The following SLC28A1 variants were observed in gnomAD, a reference collection of about 807,000 sequenced individuals.
SLC28A1 encodes the protein sodium/nucleoside cotransporter 1.
Under a neutral mutation model 74.8 loss-of-function variants are expected in SLC28A1, and 64 were observed. The ratio of observed to expected loss-of-function variants is 0.86; its 90% confidence interval spans 0.70 to 1.05. SLC28A1 has a LOEUF of 1.05. Ranked by LOEUF, SLC28A1 falls within the 50% of genes least tolerant of loss-of-function variation. The pLI, the probability that SLC28A1 is intolerant of heterozygous loss-of-function variation, is 0.00. For missense variants in SLC28A1, 828 were observed against 822.8 expected (o/e 1.01, Z -0.08); for synonymous variants, 359 against 335.0 (o/e 1.07, Z -0.78).
At chr15:84,914,762 GC>G (rs945193809) in intron 9 of SLC28A1, among the ~76,000 whole-genome samples, 3 of 152,190 alleles carry the variant, frequency 2.0e-5, no homozygotes, top group Admixed American at 2.0e-4. Flanking sequence ...CATCCTGCAG[GC>G]CCCAGAGGTG....
At position 84,941,641 on chromosome 15, in the gene SLC28A1, T is replaced by C. The variant is rs192042491; in HGVS notation, c.1582-1804T>C. The stretch of plus-strand genomic sequence containing the variant: ...GCTCATGCCTGTAATTCCAACACTT[T>C]GGGAGGCCAAGGAGGGTGGGTCACT... On this transcript the variant is annotated intron_variant, in intron 15 of 18. Transcript: ENST00000394573. Among the ~76,000 whole-genome samples the C allele has an allele frequency of 9.9e-5, 15 of 152,204 alleles. No homozygotes were observed. In the East Asian group the frequency reaches 2.9e-3, roughly 29 times the overall value.
intron 12 of SLC28A1, among the ~76,000 whole-genome samples, chr15:84,928,499 C>T (rs1299180017): frequency 6.6e-6 from 1 of 150,490 alleles, no homozygotes; most frequent in Non-Finnish European, 1.5e-5. Flanking sequence ...TCTCTCTTGC[C>T]CTTTCCTTCA....
chr15:84,890,624 A>G (rs1432150180), intron 5 of SLC28A1, 90 bp downstream of exon 5: 3 of 1,055,490 alleles, frequency 2.8e-6, no homozygotes, highest in East Asian at 2.6e-5. Flanking sequence ...TCACCCAGTC[A>G]TTCAACAAAT....
chr15:84,893,366 C>T (rs762095850), intron 5 of SLC28A1, among the ~76,000 whole-genome samples: 20 of 152,230 alleles, frequency 1.3e-4, no homozygotes, highest in Non-Finnish European at 2.5e-4. Flanking sequence ...GCCCCAGCAC[C>T]GCTCTGTGGG....
chr15:84,924,896 A>C, intron 12 of SLC28A1, among the ~76,000 whole-genome samples: 1 of 141,328 alleles, frequency 7.1e-6, no homozygotes, highest in Non-Finnish European at 1.6e-5. Flanking sequence ...ATTTTTTATT[A>C]ATTTTTTTTG....
At chr15:84,959,983 A>G in the SLC28A1 span, among the ~76,000 whole-genome samples, 6 of 152,166 alleles carry the variant, frequency 3.9e-5, no homozygotes, top group African/African-American at 7.2e-5. Context: ...GGCTGAGACC[A>G]TCTATTTCAA....
intron 10 of SLC28A1, among the ~76,000 whole-genome samples, chr15:84,918,874 C>T (rs965599454): frequency 3.0e-5 from 2 of 67,734 alleles, no homozygotes; most frequent in African/African-American, 1.0e-4. Flanking sequence ...TTCCTAGAAT[C>T]CCTTGCTTCT....
chr15:84,894,514 A>T (rs73437997), intron 5 of SLC28A1, among the ~76,000 whole-genome samples: 1,643 of 152,278 alleles, frequency 0.011, 30 homozygotes, highest in African/African-American at 0.036. Context: ...ATGCTCATTG[A>T]TGAACATTTC....
chr15:84,932,308 G>A (rs1472245763), intron 12 of SLC28A1, among the ~76,000 whole-genome samples: 2 of 152,144 alleles, frequency 1.3e-5, no homozygotes, highest in East Asian at 3.9e-4. Flanking sequence ...GTGATAGGGG[G>A]AAACGTGTCA....
chr15:84,971,201 A>G, the SLC28A1 span, among the ~76,000 whole-genome samples: 1 of 152,212 alleles, frequency 6.6e-6, no homozygotes, highest in East Asian at 1.9e-4. Flanking sequence ...GAGATATTTC[A>G]AGTTTTAATG....
chr15:84,933,167 C>A lies in SLC28A1; in HGVS notation c.1106C>A (p.Ala369Glu). 1 of 1,613,634 alleles carries A rather than the reference C, an allele frequency of 6.2e-7. No homozygotes were observed. Among genetic ancestry groups the A allele is most frequent in the Non-Finnish European group, 8.5e-7 (1 of 1,179,720 alleles). Residue 369 changes from alanine to glutamate, a missense_variant, in exon 13 of 19, where the codon GCA (alanine) becomes GAA (glutamate). Ala to Glu is a moderately radical substitution (Grantham distance 107, BLOSUM62 -1). Coordinates refer to ENST00000394573, the MANE Select transcript of SLC28A1 (RefSeq NM_004213.5). ...CAGATCGATGCCACCTCGTTGATTG[C>A]AGCCTCTGTGATGGCTGCCCCTTGT... ...SFGIDATSLI[A>E]ASVMAAPCAL...
intron 18 of SLC28A1, 77 bp from the exon 19 acceptor site, chr15:84,945,048 C>A (rs2079151689): frequency 1.5e-6 from 2 of 1,326,400 alleles, no homozygotes; most frequent in Non-Finnish European, 2.2e-6. Context: ...AAACAGTGTT[C>A]CCGGTGTTGC....
At chr15:84,951,392 C>T in the SLC28A1 span, among the ~76,000 whole-genome samples, 4 of 150,552 alleles carry the variant, frequency 2.7e-5, no homozygotes, top group Admixed American at 2.7e-4. Flanking sequence ...ACCCACTGCA[C>T]TCCAGCTCAG....
chr15:84,935,797 C>T (rs1971814730), intron 15 of SLC28A1, among the ~76,000 whole-genome samples: 1 of 152,116 alleles, frequency 6.6e-6, no homozygotes, highest in African/African-American at 2.4e-5. Flanking sequence ...TGGCCTTAGG[C>T]CAGCCACAGT....
At chr15:84,962,274 A>C in the SLC28A1 span, among the ~76,000 whole-genome samples, 1 of 151,694 alleles carries the variant, frequency 6.6e-6, no homozygotes, top group Admixed American at 6.6e-5. Flanking sequence ...AGATCTCGCT[A>C]TGTTGCCCAG....
intron 12 of SLC28A1, among the ~76,000 whole-genome samples, chr15:84,932,431 G>A (rs1245183992): frequency 6.6e-6 from 1 of 152,240 alleles, no homozygotes; most frequent in Non-Finnish European, 1.5e-5. Context: ...CTTGCTGGGA[G>A]TGGTTTTCAC....
rs1358331983 is a variant in SLC28A1, at chr15:84,945,124, G to A, written c.1875-1G>A. ...CACTGCGATCTTTGCTTTCTTTTTA[G>A]CGTCAATCCAGAGTTCAGCCCAGAG... is the stretch of plus-strand genomic sequence containing the variant. On this transcript the variant is annotated splice_acceptor_variant, in intron 18 of 18. Transcript: ENST00000394573. LOFTEE classifies it high-confidence loss of function. 8.1e-6 allele frequency: 13 copies of A among 1,613,918 alleles called. No individual in the cohort carries two copies. Among genetic ancestry groups the A allele is most frequent in the African/African-American group, 1.3e-5 (1 of 74,880 alleles).
At chr15:84,905,841 T>C (rs4247408) in intron 8 of SLC28A1, among the ~76,000 whole-genome samples, 189 bp downstream of exon 8, 88,004 of 151,582 alleles carry the variant, frequency 0.58, 25,662 homozygotes, top group South Asian at 0.69. Flanking sequence ...ACTTCCCTCA[T>C]GCCTGGTACT....
intron 9 of SLC28A1, among the ~76,000 whole-genome samples, chr15:84,913,750 A>T (rs1488582439): frequency 6.6e-6 from 1 of 152,208 alleles, no homozygotes; most frequent in East Asian, 1.9e-4. Context: ...GGACTGCCTT[A>T]GTCCATCCAG....
Sources: gnomAD v4.1 joint callset for allele counts (sites outside exome capture counted in the v4.1 genomes callset) on GRCh38, gnomAD v4.1.1 for gene constraint, MANE v1.5 for transcripts, NCBI Gene and HGNC (gene_info 2026-07-23, HGNC 2026-07-21) for gene names.